The following PLK4 variants were observed in gnomAD, a reference collection of about 807,000 sequenced individuals.
PLK4 encodes polo like kinase 4, also known as serine/threonine-protein kinase PLK4.
A neutral mutation model predicts 103.0 loss-of-function variants in PLK4; 51 were observed. That is an observed-to-expected ratio of 0.50 (90% confidence interval 0.40 to 0.63). The LOEUF (loss-of-function observed/expected upper bound fraction) is 0.63, where lower values mean the gene tolerates loss of function less well. Among genes scored for constraint, PLK4 ranks in the 20% least tolerant of loss-of-function variants. PLK4 has a pLI of 0.00. For missense variants in PLK4, 1,054 were observed against 1,151.0 expected (o/e 0.92, Z 1.22); for synonymous variants, 389 against 376.8 (o/e 1.03, Z -0.38).
chr4:127,890,977 T>C, intron 7 of PLK4, 115 bp from the exon 8 acceptor site: 1 of 570,936 alleles, frequency 1.8e-6, no homozygotes, highest in South Asian at 2.9e-5. Flanking sequence ...CAGCTTTGAT[T>C]TTGACTTCAA....
Position 127,881,100 on chromosome 4 carries a change from G to A in PLK4, c.-35G>A. 6.2e-7 allele frequency: 1 copy of A among 1,613,492 alleles called. No individual in the cohort carries two copies. The highest frequency in any genetic ancestry group is 1.3e-5 in the African/African-American group (1 of 75,064). ...GCCTCGAAGGGACTGCGTGAAGGAA[G>A]CTAATCCGGAGAACCCAGGCCAGAG... is the stretch of plus-strand genomic sequence containing the variant. On this transcript the variant is annotated 5_prime_UTR_variant, in exon 1 of 16. Transcript: ENST00000270861.
At position 127,887,460 on chromosome 4, in the gene PLK4, AC is replaced by A; in HGVS notation, c.1425del (p.Val476TyrfsTer10). The A allele has an allele frequency of 6.2e-7, 1 of 1,610,212 alleles. No homozygotes were observed. The highest frequency in any genetic ancestry group is 8.5e-7 in the Non-Finnish European group (1 of 1,177,108). On this transcript the variant is annotated frameshift_variant, in exon 6 of 16. Transcript: ENST00000270861. LOFTEE classifies it high-confidence loss of function. Reference protein sequence around the residue: ...PFADPTPQTETVQQWFGNLQI... With the variant: ...PFADPTPQTEXVQQWFGNLQI... Reference sequence around the variant, plus strand: ...TGCAGACCCGACACCTCAGACTGAAACCGTACAACAGTGGTTTGGGAATCTG... The same window carrying A: ...TGCAGACCCGACACCTCAGACTGAAACGTACAACAGTGGTTTGGGAATCTG...
In PLK4 at chr4:127,891,170, C is replaced by G. The variant is rs751976891; in HGVS notation, c.1909C>G (p.Leu637Val). The change falls in exon 8 of 16, where the codon CTT becomes GTT. Residue 637 changes from leucine to valine, a missense_variant. Transcript: ENST00000270861. ...YASQEYVKEV[L>V]QISSDGNTIT... Reference sequence around the variant, plus strand: ...ATCTCAAGAATATGTGAAAGAAGTTCTTCAGATATCTAGTGATGGAAATAC... The same window carrying G: ...ATCTCAAGAATATGTGAAAGAAGTTGTTCAGATATCTAGTGATGGAAATAC... The G allele has an allele frequency of 7.1e-6, 11 of 1,556,746 alleles. No homozygotes were observed. In the South Asian group the frequency reaches 1.0e-4, roughly 15 times the overall value.
chr4:127,887,546 A>T, intron 6 of PLK4, 50 bp downstream of exon 6: 3 of 1,037,214 alleles, frequency 2.9e-6, no homozygotes, highest in Non-Finnish European at 4.4e-6. Flanking sequence ...TTGGAAACTT[A>T]CCAAGCATTG....
In PLK4 at chr4:127,885,939, T is replaced by C. The variant is rs1405326769; in HGVS notation, c.569T>C (p.Leu190Pro). Residue 190 changes from leucine (L) to proline (P), a missense_variant, in exon 5 of 16, where the codon CTT (leucine) becomes CCT (proline). Coordinates refer to ENST00000270861, the MANE Select transcript of PLK4 (RefSeq NM_014264.5). ...PEIATRSAHG[L>P]ESDVWSLGCM... Reference sequence around the variant, plus strand: ...ATTGCCACTCGAAGTGCACATGGCCTTGAATCTGATGTTTGGTCCCTGGGC... The same window carrying C: ...ATTGCCACTCGAAGTGCACATGGCCCTGAATCTGATGTTTGGTCCCTGGGC... 12 of 1,614,088 alleles carry C rather than the reference T, an allele frequency of 7.4e-6. No individual in the cohort carries two copies. The East Asian group carries it at 2.7e-4, about 36-fold the overall frequency.
chr4:127,881,956 G>A (rs759600174), intron 2 of PLK4, 30 bp downstream of exon 2: 2 of 1,214,066 alleles, frequency 1.6e-6, no homozygotes, highest in Non-Finnish European at 1.2e-6. Context: ...CTTCTCTCCT[G>A]TACTTTGCAA....
At chr4:127,896,750 G>GTTTT (rs35646358) in intron 14 of PLK4, 51 bp from the exon 15 acceptor site, 33 of 821,910 alleles carry the variant, frequency 4.0e-5, no homozygotes, top group South Asian at 1.2e-4. Context: ...TACTACTGCT[G>GTTTT]TTTTTTTTTT....
intron 14 of PLK4, among the ~76,000 whole-genome samples, chr4:127,895,611 C>T (rs949001857): frequency 2.6e-5 from 4 of 151,616 alleles, no homozygotes; most frequent in South Asian, 2.1e-4. Context: ...TTAGTAGAGA[C>T]GGGGTTTCAC....
intron 15 of PLK4, among the ~76,000 whole-genome samples, chr4:127,897,220 A>G (rs996203410): frequency 6.6e-6 from 1 of 152,208 alleles, no homozygotes; most frequent in Non-Finnish European, 1.5e-5. Context: ...GGTTCAAATA[A>G]TATACCAAAC....
chr4:127,896,753 T>G, intron 14 of PLK4, 48 bp from the exon 15 acceptor site: 2 of 1,088,554 alleles, frequency 1.8e-6, no homozygotes, highest in Non-Finnish European at 1.4e-6. Context: ...TACTGCTGTT[T>G]TTTTTTTTTT....
At position 127,886,635 on chromosome 4, in the gene PLK4, C is replaced by T; in HGVS notation, c.1265C>T (p.Pro422Leu). Reference sequence around the variant, plus strand: ...GGTGAAAATGAAGAGAGGTACTCACCCACAGACAACAATGCCAACATTTTT... The same window carrying T: ...GGTGAAAATGAAGAGAGGTACTCACTCACAGACAACAATGCCAACATTTTT... ...GGGENEERYS[P>L]TDNNANIFNF... The change falls in exon 5 of 16, where the codon CCC becomes CTC. Residue 422 changes from proline (P) to leucine (L), a missense_variant. By Grantham distance (98) the Pro-to-Leu change is moderately conservative (BLOSUM62 -3). This residue lies in a region of PLK4 where 680 missense variants were observed against 660.3 expected (regional missense o/e 1.03). Coordinates refer to ENST00000270861, the MANE Select transcript of PLK4 (RefSeq NM_014264.5). The T allele has an allele frequency of 6.2e-7, 1 of 1,613,160 alleles. No homozygotes were observed. The highest frequency in any genetic ancestry group is 8.5e-7 in the Non-Finnish European group (1 of 1,179,188).
In PLK4 at chr4:127,886,099, C is replaced by T. The variant is rs769394152; in HGVS notation, c.729C>T (p.His243=). Residue 243 remains histidine (H), a synonymous_variant, in exon 5 of 16, where the codon CAC becomes CAT. Transcript: ENST00000270861. ...FLSIEAKDLI[H]QLLRRNPADR... is the part of the protein sequence containing the mutation. ...CAATAGAGGCCAAGGACCTTATTCA[C>T]CAGTTACTTCGTAGAAATCCAGCAG... The T allele has an allele frequency of 3.1e-6, 5 of 1,614,072 alleles. No homozygotes were observed. The highest frequency in any genetic ancestry group is 2.2e-5 in the East Asian group (1 of 44,902).
At position 127,885,981 on chromosome 4, in the gene PLK4, T is replaced by A. The variant is rs778462165; in HGVS notation, c.611T>A (p.Leu204Ter). The change falls in exon 5 of 16, where the codon TTA becomes TAA. Residue 204 changes from leucine (L) to a stop codon, truncating the protein, a stop_gained. Transcript: ENST00000270861. LOFTEE classifies it high-confidence loss of function. The stretch of plus-strand genomic sequence containing the variant: ...TCCCTGGGCTGTATGTTTTATACAT[T>A]ACTTATCGGGAGACCACCCTTCGAC... ...VWSLGCMFYT[L>*]LIGRPPFDTD... 1 of 1,614,096 alleles carries A rather than the reference T, an allele frequency of 6.2e-7. No individual in the cohort carries two copies. Among genetic ancestry groups the A allele is most frequent in the Non-Finnish European group, 8.5e-7 (1 of 1,180,014 alleles).
rs1735121449 is a variant in PLK4 at position 127,886,242 on chromosome 4, C to A, written c.872C>A (p.Ser291Tyr). 1 of 1,613,934 alleles carries A rather than the reference C, an allele frequency of 6.2e-7. No homozygotes were observed. The highest frequency in any genetic ancestry group is 1.3e-5 in the African/African-American group (1 of 74,926). ...ATTGATAGTGGGCATGCCACAATTT[C>A]TACTGCAATTACAGCTTCTTCCAGT... ...DSIDSGHATI[S>Y]TAITASSSTS... The change falls in exon 5 of 16, where the codon TCT (serine) becomes TAT (tyrosine). Residue 291 changes from serine (S) to tyrosine (Y), a missense_variant. Coordinates refer to ENST00000270861, the MANE Select transcript of PLK4 (RefSeq NM_014264.5).
chr4:127,881,441 C>A (rs1165738810), intron 1 of PLK4: 4 of 1,339,276 alleles, frequency 3.0e-6, no homozygotes, highest in Non-Finnish European at 3.9e-6. Flanking sequence ...CCCGAGCTAC[C>A]GCGTTAGAGC....
chr4:127,896,551 A>G (rs1256191356), intron 14 of PLK4, among the ~76,000 whole-genome samples: 1 of 152,176 alleles, frequency 6.6e-6, no homozygotes, highest in Non-Finnish European at 1.5e-5. Flanking sequence ...TAATAATTTT[A>G]ATATTGTAAT....
At chr4:127,884,004 T>G (rs1735026907) in intron 4 of PLK4, among the ~76,000 whole-genome samples, 1 of 152,234 alleles carries the variant, frequency 6.6e-6, no homozygotes, top group Admixed American at 6.5e-5. Flanking sequence ...GGTCATATTA[T>G]TTCATCTTTA....
At position 127,881,837 on chromosome 4, in the gene PLK4, A is replaced by T. The variant is rs1479590458; in HGVS notation, c.37A>T (p.Lys13Ter). 3 of 1,587,272 alleles carry T rather than the reference A, an allele frequency of 1.9e-6. No individual in the cohort carries two copies. Among genetic ancestry groups the T allele is most frequent in the Admixed American group, 3.3e-5 (2 of 59,998 alleles). Residue 13 changes from lysine to a stop codon, truncating the protein, a stop_gained, in exon 2 of 16, where the codon AAA becomes TAA. Coordinates refer to ENST00000270861, the MANE Select transcript of PLK4 (RefSeq NM_014264.5). LOFTEE classifies it high-confidence loss of function. ...TCIGEKIEDF[K>*]VGNLLGKGSF... ...TTTAATTTTAACTTTTAAGGATTTT[A>T]AAGTTGGAAATCTGCTTGGTAAAGG...
intron 1 of PLK4, 122 bp downstream of exon 1, chr4:127,881,286 G>A (rs1560689651): frequency 1.3e-6 from 2 of 1,561,908 alleles, no homozygotes; most frequent in Non-Finnish European, 1.7e-6. Context: ...AGGTGCTTAG[G>A]GAGGGTCCCA....
Sources: gnomAD v4.1 joint callset for allele counts (sites outside exome capture counted in the v4.1 genomes callset) on GRCh38, gnomAD v4.1.1 for gene constraint, gnomAD v4.1.1 regional missense constraint, MANE v1.5 for transcripts, NCBI Gene and HGNC (gene_info 2026-07-23, HGNC 2026-07-21) for gene names.